GRIK1: variants seen among roughly 807,000 people sequenced by gnomAD.
GRIK1 encodes the protein glutamate ionotropic receptor kainate type subunit 1, also known as glutamate receptor ionotropic, kainate 1.
A neutral mutation model predicts 105.7 loss-of-function variants in GRIK1; 69 were observed. The observed-to-expected ratio is 0.65, with a 90% CI of 0.54 to 0.80. The LOEUF is 0.80. Among genes scored for constraint, GRIK1 ranks in the 30% least tolerant of loss-of-function variants. GRIK1 has a pLI of 0.00. For synonymous variants in GRIK1, 438 were observed against 431.3 expected, an observed-to-expected ratio of 1.02 and a Z score of -0.19; for missense variants, 1,109 against 1,167.3, an observed-to-expected ratio of 0.95 and a Z score of 0.73.
rs559932886 is a variant in GRIK1, at chr21:29,824,594, G to C, written c.118+114789C>G. ...GGGAGCTCAGTAAACAAAAGGGTGG[G>C]CTTTCTGGGGGAGAAAAAACCTTGA... On this transcript the variant is annotated intron_variant, in intron 1 of 17. Transcript: ENST00000327783. Among the ~76,000 whole-genome samples the C allele has an allele frequency of 3.3e-5, 5 of 152,014 alleles. No homozygotes were observed. The South Asian group carries it at 8.3e-4, about 25-fold the overall frequency.
At chr21:29,733,169 A>G (rs573555100) in intron 1 of GRIK1, among the ~76,000 whole-genome samples, 3 of 152,186 alleles carry the variant, frequency 2.0e-5, no homozygotes, top group African/African-American at 7.2e-5. Flanking sequence ...TTGATTTACC[A>G]TGGATGGTTT....
At chr21:29,697,110 G>A (rs2063718743) in intron 1 of GRIK1, among the ~76,000 whole-genome samples, 1 of 152,172 alleles carries the variant, frequency 6.6e-6, no homozygotes, top group East Asian at 1.9e-4. Flanking sequence ...TCCAAAAAAT[G>A]TAAATGTTTT....
chr21:29,722,604 C>T (rs145278987), intron 1 of GRIK1, among the ~76,000 whole-genome samples: 2,082 of 148,182 alleles, frequency 0.014, 52 homozygotes, highest in African/African-American at 0.048. Flanking sequence ...AACTCCCAAA[C>T]TAATACTTTT....
intron 1 of GRIK1, among the ~76,000 whole-genome samples, chr21:29,858,382 G>C (rs2068530488): frequency 6.6e-6 from 1 of 152,092 alleles, no homozygotes; most frequent in Non-Finnish European, 1.5e-5. Flanking sequence ...GCAGTACCAG[G>C]TCCTATGTCA....
At chr21:29,883,633 C>T (rs2069504829) in intron 1 of GRIK1, among the ~76,000 whole-genome samples, 1 of 152,020 alleles carries the variant, frequency 6.6e-6, no homozygotes, top group Admixed American at 6.6e-5. Flanking sequence ...AGGAAGGCAT[C>T]AGTGTTATCA....
chr21:29,630,568 A>T (rs1437909240), intron 7 of GRIK1: 1 of 471,634 alleles, frequency 2.1e-6, no homozygotes, highest in African/African-American at 2.0e-5. Context: ...GTCTGCAAAA[A>T]GTGAATTCTT....
At chr21:29,770,834 C>T (rs527525321) in intron 1 of GRIK1, among the ~76,000 whole-genome samples, 3 of 152,230 alleles carry the variant, frequency 2.0e-5, no homozygotes, top group East Asian at 3.9e-4. Flanking sequence ...ATTCACTTGC[C>T]TAGGTCCTCA....
At chr21:29,909,926 A>G (rs955333986) in intron 1 of GRIK1, among the ~76,000 whole-genome samples, 1 of 152,190 alleles carries the variant, frequency 6.6e-6, no homozygotes, top group African/African-American at 2.4e-5. Flanking sequence ...ACATTTAATT[A>G]CAGACACATG....
At chr21:29,543,409 C>T (rs529183529) in intron 16 of GRIK1, among the ~76,000 whole-genome samples, 1 of 152,284 alleles carries the variant, frequency 6.6e-6, no homozygotes, top group African/African-American at 2.4e-5. Flanking sequence ...AGAGGTCAGG[C>T]TTTAATCATC....
chr21:29,712,083 TACACACACAC>T (rs56017389), intron 1 of GRIK1, among the ~76,000 whole-genome samples: 36 of 135,306 alleles, frequency 2.7e-4, no homozygotes, highest in African/African-American at 4.6e-4. Context: ...TATACATACA[TACACACACAC>T]ACACACACAC....
At chr21:29,745,758 T>A (rs2065033259) in intron 1 of GRIK1, among the ~76,000 whole-genome samples, 1 of 152,196 alleles carries the variant, frequency 6.6e-6, no homozygotes, top group Admixed American at 6.5e-5. Context: ...AAATATTGTA[T>A]GGTAAATTAG....
At chr21:29,867,940 G>GAGAAAGAA (rs1569174633) in intron 1 of GRIK1, among the ~76,000 whole-genome samples, 29 of 107,358 alleles carry the variant, frequency 2.7e-4, no homozygotes, top group African/African-American at 8.6e-4. Context: ...GAGAGAAAGA[G>GAGAAAGAA]AGAGAGAAAG....
chr21:29,655,855 A>T (rs2062837381), intron 4 of GRIK1, among the ~76,000 whole-genome samples: 1 of 152,074 alleles, frequency 6.6e-6, no homozygotes, highest in Non-Finnish European at 1.5e-5. Flanking sequence ...GAAGGAAAAA[A>T]GGAGGTGGAT....
chr21:29,904,656 T>C (rs1234588264), intron 1 of GRIK1, among the ~76,000 whole-genome samples: 3 of 152,162 alleles, frequency 2.0e-5, no homozygotes, highest in Non-Finnish European at 4.4e-5. Context: ...GCTGTTCTGA[T>C]TGAAACATGT....
At chr21:29,753,192 T>C (rs566953481) in intron 1 of GRIK1, among the ~76,000 whole-genome samples, 3 of 152,324 alleles carry the variant, frequency 2.0e-5, no homozygotes, top group Non-Finnish European at 2.9e-5. Context: ...TAATAGTTAA[T>C]AACAATTTTA....
At position 29,689,914 on chromosome 21, in the gene GRIK1, G is replaced by T. The variant is rs1278996330; in HGVS notation, c.358C>A (p.Gln120Lys). 2 of 1,613,048 alleles carry T rather than the reference G, an allele frequency of 1.2e-6. No individual in the cohort carries two copies. The highest frequency in any genetic ancestry group is 1.7e-6 in the Non-Finnish European group (2 of 1,179,370). Residue 120 changes from glutamine (Q) to lysine (K), a missense_variant, in exon 3 of 18, where the codon CAG becomes AAG. This residue lies in a region of GRIK1 where 612 missense variants were observed against 586.0 expected (regional missense o/e 1.04). Coordinates refer to ENST00000327783, the MANE Select transcript of GRIK1 (RefSeq NM_001330994.2). ...PSHSSSVSAV[Q>K]SICNALEVPH... is the part of the protein sequence containing the mutation. ...ACTTCGAGAGCATTGCAAATAGACTGCACAGCACTGACGGAGGAGCTATGG... is the reference window on the plus strand; with the variant it reads ...ACTTCGAGAGCATTGCAAATAGACTTCACAGCACTGACGGAGGAGCTATGG...
intron 1 of GRIK1, among the ~76,000 whole-genome samples, chr21:29,735,667 C>T (rs570416037): frequency 3.9e-5 from 6 of 151,928 alleles, no homozygotes; most frequent in South Asian, 4.2e-4. Context: ...GAGGTCGAGG[C>T]GGGTGGATCA....
intron 1 of GRIK1, among the ~76,000 whole-genome samples, chr21:29,787,780 G>A (rs560227517): frequency 6.6e-6 from 1 of 151,838 alleles, no homozygotes; most frequent in Admixed American, 6.6e-5. Context: ...TAGAACGCCA[G>A]GAACATTTAT....
At chr21:29,900,852 A>G (rs1423890458) in intron 1 of GRIK1, among the ~76,000 whole-genome samples, 1 of 152,176 alleles carries the variant, frequency 6.6e-6, no homozygotes, top group Non-Finnish European at 1.5e-5. Context: ...TCAGCACCAC[A>G]TCACACTTAT....
Sources: gnomAD v4.1 joint callset for allele counts (sites outside exome capture counted in the v4.1 genomes callset) on GRCh38, gnomAD v4.1.1 for gene constraint, gnomAD v4.1.1 regional missense constraint, MANE v1.5 for transcripts, NCBI Gene and HGNC (gene_info 2026-07-23, HGNC 2026-07-21) for gene names.